The following FOXN3 variants were observed in gnomAD, a reference collection of about 807,000 sequenced individuals.
FOXN3 encodes the protein forkhead box N3.
Under a neutral mutation model 38.4 loss-of-function variants are expected in FOXN3, and 7 were observed. That is an observed-to-expected ratio of 0.18 (90% confidence interval 0.10 to 0.34). The LOEUF is 0.34. FOXN3 is among the 10% of genes least tolerant of loss of function. The pLI is 1.00. For synonymous variants in FOXN3, 230 were observed against 242.2 expected, an observed-to-expected ratio of 0.95 and a Z score of 0.47; for missense variants, 456 against 613.4, an observed-to-expected ratio of 0.74 and a Z score of 2.71.
At chr14:89,401,632 T>G (rs1314416300) in intron 2 of FOXN3, 1 of 456,014 alleles carries the variant, frequency 2.2e-6, no homozygotes, top group Non-Finnish European at 4.4e-6. Flanking sequence ...CCCCCTCTAC[T>G]ATAGCCACGA....
chr14:89,360,197 C>T (rs1889408171), intron 2 of FOXN3, among the ~76,000 whole-genome samples: 1 of 152,160 alleles, frequency 6.6e-6, no homozygotes, highest in Non-Finnish European at 1.5e-5. Context: ...AAACTGCCTC[C>T]TCCTCTGGAC....
intron 4 of FOXN3, among the ~76,000 whole-genome samples, chr14:89,219,510 G>A (rs1034733913): frequency 6.6e-6 from 1 of 152,210 alleles, no homozygotes; most frequent in Non-Finnish European, 1.5e-5. Flanking sequence ...AGCCCCATGA[G>A]GAAAGGGCCT....
intron 2 of FOXN3, among the ~76,000 whole-genome samples, chr14:89,386,084 C>CA (rs145944240): frequency 0.021 from 3,165 of 152,322 alleles, 116 homozygotes; most frequent in African/African-American, 0.071. Flanking sequence ...GTAGGTTTGA[C>CA]ACGCAAATGC....
intron 4 of FOXN3, among the ~76,000 whole-genome samples, chr14:89,208,682 C>T (rs915275523): frequency 2.6e-5 from 4 of 152,250 alleles, no homozygotes; most frequent in African/African-American, 9.6e-5. Flanking sequence ...ATGCAACCTG[C>T]CTGGATTTTC....
At chr14:89,439,471 T>G (rs948603274) in intron 1 of FOXN3, among the ~76,000 whole-genome samples, 3 of 151,948 alleles carry the variant, frequency 2.0e-5, no homozygotes, top group African/African-American at 7.3e-5. Context: ...ACTGCTACAC[T>G]CCCACCAGCA....
intron 1 of FOXN3, among the ~76,000 whole-genome samples, chr14:89,608,307 A>C (rs1896317799): frequency 6.7e-6 from 1 of 149,024 alleles, no homozygotes; most frequent in African/African-American, 2.5e-5. Context: ...ACACCCAGAT[A>C]ATTTTTGTAT....
chr14:89,580,845 TG>T (rs1240294313), intron 1 of FOXN3, among the ~76,000 whole-genome samples: 2 of 152,218 alleles, frequency 1.3e-5, no homozygotes, highest in African/African-American at 4.8e-5. Flanking sequence ...ATTCCCCTTC[TG>T]GGGTCAGAGG....
At chr14:89,354,469 G>A (rs1173752639) in intron 2 of FOXN3, among the ~76,000 whole-genome samples, 4 of 147,230 alleles carry the variant, frequency 2.7e-5, no homozygotes, top group South Asian at 2.2e-4. Flanking sequence ...GAAGTGATCC[G>A]CCCACCTTGG....
intron 3 of FOXN3, among the ~76,000 whole-genome samples, chr14:89,288,437 C>G (rs545518683): frequency 2.6e-5 from 4 of 152,236 alleles, no homozygotes; most frequent in Middle Eastern, 3.4e-3. Flanking sequence ...GGCAGCTGCT[C>G]TGGCACCATA....
At chr14:89,226,958 G>A (rs10134785) in intron 4 of FOXN3, among the ~76,000 whole-genome samples, 1 of 151,914 alleles carries the variant, frequency 6.6e-6, no homozygotes, top group Non-Finnish European at 1.5e-5. Context: ...TCAGACTTCT[G>A]ATCTCTGAAA....
intron 1 of FOXN3, among the ~76,000 whole-genome samples, chr14:89,598,621 T>A (rs1896103019): frequency 6.6e-6 from 1 of 152,202 alleles, no homozygotes; most frequent in Non-Finnish European, 1.5e-5. Context: ...CTCTTCTTCA[T>A]TTTTGAAAAA....
chr14:89,197,251 T>C (rs1888120811), intron 4 of FOXN3, among the ~76,000 whole-genome samples: 2 of 152,232 alleles, frequency 1.3e-5, no homozygotes, highest in Admixed American at 1.3e-4. Flanking sequence ...CTTGTGCCAG[T>C]AATCCCACCA....
At chr14:89,425,065 T>TC (rs1555353146) in intron 1 of FOXN3, among the ~76,000 whole-genome samples, 1 of 118,220 alleles carries the variant, frequency 8.5e-6, no homozygotes, top group Admixed American at 8.1e-5. Flanking sequence ...TTCTTTTCTT[T>TC]TTTTTTTTTT....
chr14:89,303,432 G>A (rs1054569066), intron 3 of FOXN3, among the ~76,000 whole-genome samples: 1 of 150,666 alleles, frequency 6.6e-6, no homozygotes, highest in African/African-American at 2.4e-5. Flanking sequence ...TGAAGACACT[G>A]ACGATCTGAT....
intron 4 of FOXN3, among the ~76,000 whole-genome samples, chr14:89,244,852 T>G (rs907454667): frequency 6.6e-6 from 1 of 152,220 alleles, no homozygotes. Context: ...AATTTTCTTT[T>G]TGCACTGGGC....
In FOXN3 at chr14:89,278,205, AC is replaced by A. The variant is rs550966962; in HGVS notation, c.745+2744del. ...ACAATCATGGTGGAAGACAAAAGAT[AC>A]GTCTTACATGGCGACAGACAAGGGA... On this transcript the variant is annotated intron_variant, in intron 4 of 5. Transcript: ENST00000557258. 4.6e-5 allele frequency among the ~76,000 whole-genome samples: 7 copies of A among 152,316 alleles called. No individual in the cohort carries two copies. In the East Asian group the frequency reaches 1.4e-3, roughly 29 times the overall value.
rs190113502 is a variant in FOXN3, at chr14:89,312,975, G to A, written c.681-31961C>T. 2.2e-3 allele frequency among the ~76,000 whole-genome samples: 339 copies of A among 152,286 alleles called. 4 individuals carry two copies. The highest frequency in any genetic ancestry group is 7.3e-4 in the Non-Finnish European group (50 of 68,036). ...GCCTGGGATTACAAGATAAATGACTGATAGTACAAAAGCCCTGTCGCTTTG... is the reference window on the plus strand; with the variant it reads ...GCCTGGGATTACAAGATAAATGACTAATAGTACAAAAGCCCTGTCGCTTTG... On this transcript the variant is annotated intron_variant, in intron 3 of 5. Coordinates refer to ENST00000557258, the MANE Select transcript of FOXN3 (RefSeq NM_005197.4).
intron 4 of FOXN3, among the ~76,000 whole-genome samples, chr14:89,184,769 A>T (rs554900051): frequency 6.6e-6 from 1 of 152,354 alleles, no homozygotes; most frequent in South Asian, 2.1e-4. Context: ...GGCTTAGCTC[A>T]GTGGCTGGCT....
At chr14:89,432,999 A>C (rs1418112703) in intron 1 of FOXN3, among the ~76,000 whole-genome samples, 1 of 152,178 alleles carries the variant, frequency 6.6e-6, no homozygotes, top group Non-Finnish European at 1.5e-5. Context: ...GCATTTTTCA[A>C]GGGCTACTAA....
Sources: gnomAD v4.1 joint callset for allele counts (sites outside exome capture counted in the v4.1 genomes callset) on GRCh38, gnomAD v4.1.1 for gene constraint, MANE v1.5 for transcripts, NCBI Gene and HGNC (gene_info 2026-07-23, HGNC 2026-07-21) for gene names.